Variants in PAX9 observed in about 807,000 individuals in gnomAD.
PAX9 encodes paired box protein Pax-9.
Under a neutral mutation model 29.1 loss-of-function variants are expected in PAX9, and 6 were observed. That is an observed-to-expected ratio of 0.21 (90% confidence interval 0.11 to 0.41). The LOEUF (loss-of-function observed/expected upper bound fraction) is 0.41. Among genes scored for constraint, PAX9 ranks in the 10% least tolerant of loss-of-function variants. The probability of loss-of-function intolerance (pLI) is 1.00; values close to 1 mark genes in which losing one functional copy is unlikely to be tolerated. For synonymous variants in PAX9, 217 were observed against 211.7 expected (o/e 1.03, Z -0.22); for missense variants, 443 against 479.1 (o/e 0.92, Z 0.70).
Position 36,663,105 on chromosome 14 carries a change from C to G in PAX9, c.213C>G (p.Ile71Met). 1 of 1,613,942 alleles carries G rather than the reference C, an allele frequency of 6.2e-7. No individual in the cohort carries two copies. The highest frequency in any genetic ancestry group is 2.2e-5 in the East Asian group (1 of 44,854). The change falls in exon 2 of 4, where the codon ATC becomes ATG. Residue 71 changes from isoleucine (I) to methionine (M), a missense_variant. Coordinates refer to ENST00000361487, the MANE Select transcript of PAX9 (RefSeq NM_001372076.1). ...CGGGCTCGATCTTGCCAGGAGCCAT[C>G]GGGGGCAGCAAGCCCCGGGTCACTA... The part of the protein sequence containing the change: ...NETGSILPGA[I>M]GGSKPRVTTP...
rs1001795748 is a variant in PAX9 at position 36,678,287 on chromosome 14, G to C, written c.*1835G>C. The stretch of plus-strand genomic sequence containing the variant: ...TTTCTGACACACAAATTATGTTAGA[G>C]TGACTGCTTTTTTCAGACAGCAGAT... On this transcript the variant is annotated 3_prime_UTR_variant, in exon 4 of 4. Coordinates refer to ENST00000361487, the MANE Select transcript of PAX9 (RefSeq NM_001372076.1). 3.3e-5 allele frequency: 19 copies of C among 576,454 alleles called. No homozygotes were observed. The highest frequency in any genetic ancestry group is 5.6e-5 in the Non-Finnish European group (18 of 323,880). The allele number at this position is 576,454 out of a possible 1,614,324, so 35.7% of individuals were successfully genotyped here.
chr14:36,657,684 G>C (rs973227307), upstream of PAX9: 1 of 152,202 alleles, frequency 6.6e-6, no homozygotes, highest in Admixed American at 6.5e-5. Flanking sequence ...ACGCCGGGAC[G>C]CATTTCCGAG....
chr14:36,672,356 A>G (rs933810990), intron 3 of PAX9, among the ~76,000 whole-genome samples: 1 of 152,174 alleles, frequency 6.6e-6, no homozygotes, highest in African/African-American at 2.4e-5. Context: ...AAAACATTAA[A>G]CCGATTTGGG....
chr14:36,662,770 C>T (rs1881327753), intron 1 of PAX9, 127 bp from the exon 2 acceptor site: 3 of 1,136,234 alleles, frequency 2.6e-6, no homozygotes, highest in African/African-American at 1.5e-5. Flanking sequence ...GGTTTGGGGA[C>T]AGCCCCAGTA....
At position 36,666,579 on chromosome 14, in the gene PAX9, A is replaced by G. The variant is rs1881501493; in HGVS notation, c.749A>G (p.Glu250Gly). The change falls in exon 3 of 4, where the codon GAG (glutamate) becomes GGG (glycine). Residue 250 changes from glutamate (E) to glycine (G), a missense_variant. Coordinates refer to ENST00000361487, the MANE Select transcript of PAX9 (RefSeq NM_001372076.1). ...AACGGGTTGGAGAAGGGAGCCCTGG[A>G]GCAGGAAGCCAAGTACGGTCAGGTG... ...AVNGLEKGAL[E>G]QEAKYGQAPN... is the part of the protein sequence containing the mutation. 2 of 1,572,382 alleles carry G rather than the reference A, an allele frequency of 1.3e-6. No homozygotes were observed. Among genetic ancestry groups the G allele is most frequent in the Non-Finnish European group, 1.7e-6 (2 of 1,158,640 alleles).
chr14:36,662,875 G>C (rs1881335138), intron 1 of PAX9, 22 bp from the exon 2 acceptor site: 1 of 1,603,144 alleles, frequency 6.2e-7, no homozygotes, highest in South Asian at 1.1e-5. Flanking sequence ...GCGTCCCTGC[G>C]CGCTGTGTGT....
intron 2 of PAX9, 143 bp from the exon 3 acceptor site, chr14:36,666,319 C>T (rs1881485116): frequency 9.2e-7 from 1 of 1,084,324 alleles, no homozygotes; most frequent in Admixed American, 2.7e-5. Context: ...CGCGGCTGGG[C>T]CCAGCGCCCT....
In PAX9 at chr14:36,678,671, C is replaced by T. The variant is rs563202576; in HGVS notation, c.*2219C>T. The T allele has an allele frequency of 3.2e-6, 4 of 1,254,984 alleles. No individual in the cohort carries two copies. Among genetic ancestry groups the T allele is most frequent in the Middle Eastern group, 3.0e-4 (1 of 3,372 alleles). 77.7% of individuals were successfully genotyped at this position (1,254,984 alleles called of 1,614,324 possible). A position where few individuals can be genotyped will look rare whatever the true frequency, so the allele number is the denominator to read the frequency against. On this transcript the variant is annotated 3_prime_UTR_variant, in exon 4 of 4. Coordinates refer to ENST00000361487, the MANE Select transcript of PAX9 (RefSeq NM_001372076.1). ...AGGGGGCTTTAAAAAATATTACTTG[C>T]TTGTGTGGAAATGCAAATAATGTTA...
At chr14:36,671,623 GA>G (rs1881696226) in intron 3 of PAX9, among the ~76,000 whole-genome samples, 1 of 152,052 alleles carries the variant, frequency 6.6e-6, no homozygotes, top group Non-Finnish European at 1.5e-5. Context: ...GTTTTGTGGG[GA>G]TACAAGATGA....
In PAX9 at chr14:36,678,205, C is replaced by T. The variant is rs1038878169; in HGVS notation, c.*1753C>T. The T allele has an allele frequency of 1.7e-5, 8 of 484,156 alleles. No homozygotes were observed. The highest frequency in any genetic ancestry group is 1.3e-4 in the African/African-American group (7 of 52,024). 30.0% of individuals were successfully genotyped at this position (484,156 alleles called of 1,614,324 possible). On this transcript the variant is annotated 3_prime_UTR_variant, in exon 4 of 4. Coordinates refer to ENST00000361487, the MANE Select transcript of PAX9 (RefSeq NM_001372076.1). ...ATCGGTTTCGTGGCTTCGTTTAAAACTCAGATGGCTAGATTAGTTAGGTTT... is the reference window on the plus strand; with the variant it reads ...ATCGGTTTCGTGGCTTCGTTTAAAATTCAGATGGCTAGATTAGTTAGGTTT...
At chr14:36,658,347 G>A (rs1023534170), upstream of PAX9, among the ~76,000 whole-genome samples, 3 of 151,312 alleles carry the variant, frequency 2.0e-5, no homozygotes, top group Admixed American at 6.6e-5. Context: ...TGGACAAGAG[G>A]CGGGCACCGT....
At chr14:36,676,101 G>T in intron 3 of PAX9, 97 bp from the exon 4 acceptor site, 1 of 1,315,672 alleles carries the variant, frequency 7.6e-7, no homozygotes, top group South Asian at 1.3e-5. Flanking sequence ...GAGCATTGCT[G>T]GCTTACTCAG....
chr14:36,672,115 G>A (rs116239874), intron 3 of PAX9: 2 of 152,182 alleles, frequency 1.3e-5, no homozygotes, highest in African/African-American at 4.8e-5. Flanking sequence ...TTTAGGTAAA[G>A]TCATTTTCAA....
At position 36,678,411 on chromosome 14, in the gene PAX9, G is replaced by C; in HGVS notation, c.*1959G>C. On this transcript the variant is annotated 3_prime_UTR_variant, in exon 4 of 4. Coordinates refer to ENST00000361487, the MANE Select transcript of PAX9 (RefSeq NM_001372076.1). ...ACTTCAGGAGAAGAATAAGCAGAAG[G>C]AGCAGATGAACTCTCAGGGCCATAG... 1.7e-6 allele frequency: 2 copies of C among 1,201,828 alleles called. No homozygotes were observed. The highest frequency in any genetic ancestry group is 1.3e-5 in the South Asian group (1 of 77,264). 74.4% of individuals were successfully genotyped at this position (1,201,828 alleles called of 1,614,324 possible).
chr14:36,677,747 T>C lies in PAX9; in HGVS notation c.*1295T>C, dbSNP rs549653237. 4.6e-5 allele frequency: 7 copies of C among 152,384 alleles called. No homozygotes were observed. The highest frequency in any genetic ancestry group is 2.6e-4 in the Admixed American group (4 of 15,306). 9.4% of individuals were successfully genotyped at this position (152,384 alleles called of 1,614,324 possible). On this transcript the variant is annotated 3_prime_UTR_variant, in exon 4 of 4. Coordinates refer to ENST00000361487, the MANE Select transcript of PAX9 (RefSeq NM_001372076.1). ...GTGGTACTAGAAATACAATGTTATTTAATTTTAACAAATTCCCTTTATTCA... is the reference window on the plus strand; with the variant it reads ...GTGGTACTAGAAATACAATGTTATTCAATTTTAACAAATTCCCTTTATTCA...
chr14:36,676,799 T>G lies in PAX9; in HGVS notation c.*347T>G. Reference sequence around the variant, plus strand: ...AACTAGTCTTTGGTAAAACCACATGTGTATATTTATTCTAAATCAACCTGA... The same window carrying G: ...AACTAGTCTTTGGTAAAACCACATGGGTATATTTATTCTAAATCAACCTGA... On this transcript the variant is annotated 3_prime_UTR_variant, in exon 4 of 4. Transcript: ENST00000361487. The G allele has an allele frequency of 3.2e-6, 1 of 314,664 alleles. No individual in the cohort carries two copies. Among genetic ancestry groups the G allele is most frequent in the Non-Finnish European group, 6.1e-6 (1 of 164,174 alleles). 19.5% of individuals were successfully genotyped at this position (314,664 alleles called of 1,614,324 possible).
rs1881479523 is a variant in PAX9 at position 36,666,184 on chromosome 14, G to A, written c.632-278G>A. The A allele has an allele frequency of 6.1e-6, 3 of 490,588 alleles. No individual in the cohort carries two copies. The South Asian group carries it at 8.5e-5, about 14-fold the overall frequency. The allele number at this position is 490,588 out of a possible 1,614,324, so 30.4% of individuals were successfully genotyped here. A position where few individuals can be genotyped will look rare whatever the true frequency, so the allele number is the denominator to read the frequency against. On this transcript the variant is annotated intron_variant, in intron 2 of 3. Coordinates refer to ENST00000361487, the MANE Select transcript of PAX9 (RefSeq NM_001372076.1). ...GCCCTGGGAGAGCAAAGGGGCGAAGGGAAATCAAAAACCGGTTGAAAAAGA... is the reference window on the plus strand; with the variant it reads ...GCCCTGGGAGAGCAAAGGGGCGAAGAGAAATCAAAAACCGGTTGAAAAAGA...
chr14:36,670,345 A>G (rs1278748290), intron 3 of PAX9, among the ~76,000 whole-genome samples: 1 of 152,074 alleles, frequency 6.6e-6, no homozygotes, highest in Non-Finnish European at 1.5e-5. Flanking sequence ...GAACTTTTTA[A>G]AAGTTCAGAA....
chr14:36,662,059 C>A lies in PAX9; in HGVS notation c.-31C>A. The A allele has an allele frequency of 6.8e-7, 1 of 1,463,948 alleles. No homozygotes were observed. Among genetic ancestry groups the A allele is most frequent in the Non-Finnish European group, 9.2e-7 (1 of 1,092,852 alleles). 90.7% of individuals were successfully genotyped at this position (1,463,948 alleles called of 1,614,324 possible). On this transcript the variant is annotated 5_prime_UTR_variant, in exon 1 of 4. The change creates a new upstream start codon in the 5' untranslated region. Coordinates refer to ENST00000361487, the MANE Select transcript of PAX9 (RefSeq NM_001372076.1). ...AAAGTTTCTGTCTGGGAGTGCGGAA[C>A]TGGGGCCGGGTTGGTGTACTGCTCG...
Sources: allele counts gnomAD v4.1 joint callset (sites outside exome capture counted in the v4.1 genomes callset), GRCh38; gene constraint gnomAD v4.1.1; transcripts MANE v1.5; gene names NCBI Gene and HGNC (gene_info 2026-07-23, HGNC 2026-07-21).